Variants in CREBBP observed in about 807,000 individuals in gnomAD.
CREBBP encodes the protein CREB binding lysine acetyltransferase.
In CREBBP, 19 loss-of-function variants were observed where a neutral mutation model predicts 265.0. The ratio of observed to expected loss-of-function variants is 0.07; its 90% CI spans 0.05 to 0.11. The LOEUF (loss-of-function observed/expected upper bound fraction) is 0.11. CREBBP is among the 10% of genes least tolerant of loss of function. The pLI, the probability that CREBBP is intolerant of heterozygous loss-of-function variation, is 1.00. For missense variants in CREBBP, 2,525 were observed against 3,219.0 expected (o/e 0.78, Z 5.22); for synonymous variants, 1,457 against 1,223.7 (o/e 1.19, Z -3.98).
chr16:3,873,596 T>C (rs185404048), intron 1 of CREBBP, among the ~76,000 whole-genome samples: 18 of 152,286 alleles, frequency 1.2e-4, no homozygotes, highest in South Asian at 4.1e-4. Context: ...TCAGTTCCCA[T>C]TGGGCGGATA....
intron 2 of CREBBP, among the ~76,000 whole-genome samples, chr16:3,836,420 C>A (rs1456156577): frequency 1.5e-5 from 2 of 130,670 alleles, no homozygotes; most frequent in East Asian, 4.3e-4. Flanking sequence ...GGTGACAGAG[C>A]GAGACTGTGT....
Position 3,810,464 on chromosome 16 carries a change from C to T in CREBBP, c.975+139G>A, listed in dbSNP as rs561888156. The T allele has an allele frequency of 9.4e-6, 9 of 960,212 alleles. No homozygotes were observed. In the African/African-American group the frequency reaches 1.3e-4, roughly 14 times the overall value. The allele number at this position is 960,212 out of a possible 1,614,324, so 59.5% of individuals were successfully genotyped here. A position where few individuals can be genotyped will look rare whatever the true frequency, so the allele number is the denominator to read the frequency against. On this transcript the variant is annotated intron_variant, in intron 3 of 30. Coordinates refer to ENST00000262367, the MANE Select transcript of CREBBP (RefSeq NM_004380.3). ...AATGTTAAACTCATTTAGAGAGCTACTCATGAGAAATCTGGGTTCTCTTCC... is the reference window on the plus strand; with the variant it reads ...AATGTTAAACTCATTTAGAGAGCTATTCATGAGAAATCTGGGTTCTCTTCC...
intron 1 of CREBBP, among the ~76,000 whole-genome samples, chr16:3,876,582 C>G (rs1423007824): frequency 6.6e-6 from 1 of 151,936 alleles, no homozygotes; most frequent in Non-Finnish European, 1.5e-5. Context: ...TAACTATATA[C>G]CGGTAATATA....
intron 2 of CREBBP, among the ~76,000 whole-genome samples, chr16:3,832,355 C>G (rs1458751749): frequency 6.6e-6 from 1 of 152,082 alleles, no homozygotes; most frequent in Non-Finnish European, 1.5e-5. Flanking sequence ...TTATCAAAAA[C>G]AAATAAGAAC....
intron 19 of CREBBP, 63 bp downstream of exon 19, chr16:3,757,225 G>T: frequency 7.6e-7 from 1 of 1,318,588 alleles, no homozygotes; most frequent in Non-Finnish European, 1.1e-6. Flanking sequence ...AATGTACACA[G>T]ACTATAACCA....
At chr16:3,843,684 T>A (rs1164612477) in intron 2 of CREBBP, among the ~76,000 whole-genome samples, 1 of 151,902 alleles carries the variant, frequency 6.6e-6, no homozygotes, top group Non-Finnish European at 1.5e-5. Flanking sequence ...CCTCCTAAAG[T>A]GTTGGAATTA....
At chr16:3,766,961 C>T (rs1385127589) in intron 16 of CREBBP, among the ~76,000 whole-genome samples, 2 of 152,176 alleles carry the variant, frequency 1.3e-5, no homozygotes, top group Non-Finnish European at 1.5e-5. Flanking sequence ...TCCCTTCCAG[C>T]TGCAGAGTAA....
rs1381518615 is a variant in CREBBP, at chr16:3,852,153, ATTTGTTT to A, written c.86-1151_86-1145del. Reference sequence around the variant, plus strand: ...TTGAGGACAGTAAAGCCAATCTTAAATTTGTTTTTTTTTTTTTTTTTTTTTTTTTGAG... The same window carrying A: ...TTGAGGACAGTAAAGCCAATCTTAAATTTTTTTTTTTTTTTTTTTTTTGAG... On this transcript the variant is annotated intron_variant, in intron 1 of 30. Coordinates refer to ENST00000262367, the MANE Select transcript of CREBBP (RefSeq NM_004380.3). 9.3e-3 allele frequency among the ~76,000 whole-genome samples: 987 copies of A among 105,804 alleles called. 62 individuals are homozygous for A. The highest frequency in any genetic ancestry group is 0.031 in the African/African-American group (862 of 27,402). 69.4% of individuals were successfully genotyped at this position (105,804 alleles called of 152,430 possible).
At chr16:3,769,103 A>G in intron 15 of CREBBP, 71 bp downstream of exon 15, 1 of 1,573,072 alleles carries the variant, frequency 6.4e-7, no homozygotes, top group Non-Finnish European at 8.7e-7. Flanking sequence ...GGCAGGCTCC[A>G]AGCCTCGCCC....
intron 5 of CREBBP, among the ~76,000 whole-genome samples, chr16:3,786,051 T>C (rs1054762292): frequency 8.5e-5 from 13 of 152,338 alleles, no homozygotes; most frequent in African/African-American, 2.9e-4. Flanking sequence ...CAAACAATGT[T>C]CCACTAAGAG....
intron 6 of CREBBP, among the ~76,000 whole-genome samples, chr16:3,782,086 G>C (rs1184588537): frequency 6.6e-6 from 1 of 152,218 alleles, no homozygotes; most frequent in Non-Finnish European, 1.5e-5. Flanking sequence ...AAGGGACTGT[G>C]TCCACTTAAA....
At chr16:3,735,422 T>C (rs2052029765) in intron 28 of CREBBP, among the ~76,000 whole-genome samples, 1 of 152,050 alleles carries the variant, frequency 6.6e-6, no homozygotes, top group Admixed American at 6.5e-5. Flanking sequence ...TCAACCTCCC[T>C]CGTAGCTGGG....
At position 3,782,793 on chromosome 16, in the gene CREBBP, G is replaced by A. The variant is rs547854315; in HGVS notation, c.1464C>T (p.Leu488=). 45 of 1,614,146 alleles carry A rather than the reference G, an allele frequency of 2.8e-5. No homozygotes were observed. The South Asian group carries it at 3.8e-4, about 14-fold the overall frequency. ...GGGGCTGGTTCATGTAGGGGAGTCC[G>A]AGAGCAGCATAGGCTCGCTGCATGG... ...PSSMQRAYAA[L]GLPYMNQPQT... is the part of the protein sequence containing the mutation. The change falls in exon 6 of 31, where the codon CTC becomes CTT. Residue 488 remains leucine (L), a synonymous_variant. Transcript: ENST00000262367.
Position 3,778,068 on chromosome 16 carries a change from G to T in CREBBP, c.2056C>A (p.Pro686Thr), listed in dbSNP as rs763996233. ...QGILGNQPAL[P>T]APGAQPPVIP... ...ACAGGGGGCTGAGCCCCCGGGGCTG[G>T]TAAGGCTGGCTGGTTCCCCAAGATG... The change falls in exon 10 of 31, where the codon CCA (proline) becomes ACA (threonine). Residue 686 changes from proline (P) to threonine (T), a missense_variant. By Grantham distance (38) the Pro-to-Thr change is conservative. This residue lies in a region of CREBBP where 548 missense variants were observed against 533.0 expected (regional missense o/e 1.03). Transcript: ENST00000262367. 1.2e-6 allele frequency: 2 copies of T among 1,614,234 alleles called. No homozygotes were observed. Among genetic ancestry groups the T allele is most frequent in the Admixed American group, 3.3e-5 (2 of 60,030 alleles).
chr16:3,769,219 G>C lies in CREBBP; in HGVS notation c.3015C>G (p.Asp1005Glu), dbSNP rs2052937495. Reference sequence around the variant, plus strand: ...TGGATTCACCAGGATCGGGCTCAGTGTCCTCTGCTTGGGTCTCCGTCTTCA... The same window carrying C: ...TGGATTCACCAGGATCGGGCTCAGTCTCCTCTGCTTGGGTCTCCGTCTTCA... ...LEMKTETQAE[D>E]TEPDPGESKG... is the part of the protein sequence containing the mutation. Residue 1005 changes from aspartate to glutamate, a missense_variant, in exon 15 of 31, where the codon GAC (aspartate) becomes GAG (glutamate). Transcript: ENST00000262367. 6.2e-7 allele frequency: 1 copy of C among 1,614,166 alleles called. No individual in the cohort carries two copies. Among genetic ancestry groups the C allele is most frequent in the Non-Finnish European group, 8.5e-7 (1 of 1,180,026 alleles).
intron 1 of CREBBP, among the ~76,000 whole-genome samples, chr16:3,864,993 A>G (rs944432623): frequency 1.3e-5 from 2 of 152,194 alleles, no homozygotes; most frequent in Non-Finnish European, 2.9e-5. Context: ...TGAGAGGTGG[A>G]GGCTGCAGTG....
chr16:3,857,077 C>A lies in CREBBP; in HGVS notation c.86-6068G>T, dbSNP rs142966874. On this transcript the variant is annotated intron_variant, in intron 1 of 30. Coordinates refer to ENST00000262367, the MANE Select transcript of CREBBP (RefSeq NM_004380.3). ...CCTGTAAAACAAGGGTACCAACGCC[C>A]CAGAGTTAAAAACTTCACCCATCAT... Among the ~76,000 whole-genome samples, 54 of 152,222 alleles carry A rather than the reference C, an allele frequency of 3.5e-4. No individual in the cohort carries two copies. In the East Asian group the frequency reaches 0.01, roughly 29 times the overall value.
In CREBBP at chr16:3,744,878, G is replaced by A. The variant is rs1439912156; in HGVS notation, c.3982+16C>T. 10 of 1,604,212 alleles carry A rather than the reference G, an allele frequency of 6.2e-6. No homozygotes were observed. Among genetic ancestry groups the A allele is most frequent in the Non-Finnish European group, 6.8e-6 (8 of 1,171,024 alleles). On this transcript the variant is annotated intron_variant, in intron 23 of 30. Coordinates refer to ENST00000262367, the MANE Select transcript of CREBBP (RefSeq NM_004380.3). ...AAATGTGCAGTCCAGGAAACAGAAAGCTTCCCGAAACTTACTCTTAGCACT... is the reference window on the plus strand; with the variant it reads ...AAATGTGCAGTCCAGGAAACAGAAAACTTCCCGAAACTTACTCTTAGCACT...
chr16:3,799,151 T>C (rs1035473045), intron 3 of CREBBP, among the ~76,000 whole-genome samples: 11 of 152,208 alleles, frequency 7.2e-5, no homozygotes, highest in Admixed American at 2.0e-4. Flanking sequence ...GACTAGCGGT[T>C]GGCTGGAGAT....
Sources: allele counts gnomAD v4.1 joint callset (sites outside exome capture counted in the v4.1 genomes callset), GRCh38; gene constraint gnomAD v4.1.1; regional missense constraint gnomAD v4.1.1; transcripts MANE v1.5; gene names NCBI Gene and HGNC (gene_info 2026-07-23, HGNC 2026-07-21).